The following HSPA13 variants were observed in gnomAD, a reference collection of about 807,000 sequenced individuals.
The protein encoded by HSPA13 is heat shock 70 kDa protein 13.
HSPA13 carries 29 observed loss-of-function variants against 38.8 expected under a neutral mutation model. The ratio of observed to expected loss-of-function variants is 0.75; its 90% CI spans 0.56 to 1.02. The LOEUF (loss-of-function observed/expected upper bound fraction) is 1.02. HSPA13 is among the 50% of genes least tolerant of loss of function. HSPA13 has a pLI of 0.00. For synonymous variants in HSPA13, 192 were observed against 205.3 expected, an observed-to-expected ratio of 0.94 and a Z score of 0.56; for missense variants, 451 against 560.9, an observed-to-expected ratio of 0.80 and a Z score of 1.98.
intron 4 of HSPA13, among the ~76,000 whole-genome samples, 169 bp downstream of exon 4, chr21:14,375,483 T>C (rs1004219558): frequency 6.9e-6 from 1 of 144,318 alleles, no homozygotes; most frequent in Non-Finnish European, 1.5e-5. Flanking sequence ...TCCCTGCATT[T>C]TTCTGTAATT....
Position 14,383,114 on chromosome 21 carries a change from G to A in HSPA13, c.6C>T (p.Ala2=), listed in dbSNP as rs754333903. The A allele has an allele frequency of 8.7e-6, 14 of 1,613,888 alleles. No homozygotes were observed. Among genetic ancestry groups the A allele is most frequent in the Middle Eastern group, 3.3e-4 (2 of 6,084 alleles). ...ACCCACCTAAGATCGTCATCTCTCTGGCCATCACAGTCCCGCCGAACAGGC... is the reference window on the plus strand; with the variant it reads ...ACCCACCTAAGATCGTCATCTCTCTAGCCATCACAGTCCCGCCGAACAGGC... M[A]REMTILGSAV... The change falls in exon 1 of 5, where the codon GCC becomes GCT. Residue 2 remains alanine (A), a synonymous_variant. Transcript: ENST00000285667.
chr21:14,376,743 C>G (rs1161993008), intron 3 of HSPA13, among the ~76,000 whole-genome samples: 1 of 152,236 alleles, frequency 6.6e-6, no homozygotes, highest in African/African-American at 2.4e-5. Context: ...ATGGCTGTTG[C>G]AGTGGCCATC....
rs1285052904 is a variant in HSPA13 at position 14,371,303 on chromosome 21, A to C, written c.*2314T>G. The C allele has an allele frequency of 6.6e-6, 1 of 152,630 alleles. No individual in the cohort carries two copies. The highest frequency in any genetic ancestry group is 1.5e-5 in the Non-Finnish European group (1 of 68,016). The allele number at this position is 152,630 out of a possible 1,614,324, so 9.5% of individuals were successfully genotyped here. On this transcript the variant is annotated 3_prime_UTR_variant, in exon 5 of 5. Transcript: ENST00000285667. ...AGTACCAAAACATTCCTGATACAAA[A>C]TAAGTTACTCATTCACATATTCTAA...
chr21:14,381,184 T>C lies in HSPA13; in HGVS notation c.366+19A>G. 6.5e-7 allele frequency: 1 copy of C among 1,539,550 alleles called. No individual in the cohort carries two copies. The highest frequency in any genetic ancestry group is 8.8e-7 in the Non-Finnish European group (1 of 1,132,856). On this transcript the variant is annotated intron_variant, in intron 2 of 4. Coordinates refer to ENST00000285667, the MANE Select transcript of HSPA13 (RefSeq NM_006948.5). The stretch of plus-strand genomic sequence containing the variant: ...AAGAGTACACTAAAATTAATATAGA[T>C]TTTAGATTAATCACTTACCTTAAAT...
chr21:14,382,030 A>G (rs546443092), intron 1 of HSPA13, among the ~76,000 whole-genome samples: 1 of 152,330 alleles, frequency 6.6e-6, no homozygotes, highest in East Asian at 1.9e-4. Flanking sequence ...CTCTCCTCGT[A>G]TCTCACCTCC....
At chr21:14,381,965 C>G (rs779849698) in intron 1 of HSPA13, among the ~76,000 whole-genome samples, 3 of 151,980 alleles carry the variant, frequency 2.0e-5, no homozygotes, top group South Asian at 2.1e-4. Flanking sequence ...TTTTTAAAAG[C>G]TCCATTATTA....
chr21:14,375,753 GCCTT>G lies in HSPA13; in HGVS notation c.643_646del (p.Lys215LeufsTer8). 1 of 1,614,086 alleles carries G rather than the reference GCCTT, an allele frequency of 6.2e-7. No individual in the cohort carries two copies. The highest frequency in any genetic ancestry group is 8.5e-7 in the Non-Finnish European group (1 of 1,179,942). On this transcript the variant is annotated frameshift_variant, in exon 4 of 5. Transcript: ENST00000285667. LOFTEE classifies it high-confidence loss of function. ...TATCACCAAGACGTGGAAGACGTCA[GCCTT>G]GTGGAGACCATAGGCCATAGCTGCT...
At chr21:14,381,991 A>G (rs1984182438) in intron 1 of HSPA13, among the ~76,000 whole-genome samples, 1 of 152,240 alleles carries the variant, frequency 6.6e-6, no homozygotes, top group Admixed American at 6.5e-5. Context: ...CTCACAAGAA[A>G]AACTTTATTA....
intron 2 of HSPA13, among the ~76,000 whole-genome samples, chr21:14,379,897 T>C (rs980349850): frequency 1.3e-5 from 2 of 151,882 alleles, no homozygotes; most frequent in African/African-American, 4.8e-5. Flanking sequence ...ACGCCTGTAA[T>C]GCCAGCTTGG....
Position 14,374,402 on chromosome 21 carries a change from T to A in HSPA13, c.749-118A>T, listed in dbSNP as rs556958448. On this transcript the variant is annotated intron_variant, in intron 4 of 4. Coordinates refer to ENST00000285667, the MANE Select transcript of HSPA13 (RefSeq NM_006948.5). ...GAATAACAAATCCCTGTTTCATGTA[T>A]CATTACAATTTTATTCATACAGAGA... 3 of 742,766 alleles carry A rather than the reference T, an allele frequency of 4.0e-6. No individual in the cohort carries two copies. In the Admixed American group the frequency reaches 8.6e-5, roughly 21 times the overall value. 46.0% of individuals were successfully genotyped at this position (742,766 alleles called of 1,614,324 possible). A position where few individuals can be genotyped will look rare whatever the true frequency, so the allele number is the denominator to read the frequency against.
chr21:14,379,677 A>C (rs2012566694), intron 2 of HSPA13, among the ~76,000 whole-genome samples: 1 of 152,226 alleles, frequency 6.6e-6, no homozygotes, highest in Non-Finnish European at 1.5e-5. Flanking sequence ...CCAAAAAAGA[A>C]GTCAAAAAAC....
At chr21:14,380,213 AAACAT>A (rs929996651) in intron 2 of HSPA13, among the ~76,000 whole-genome samples, 3 of 152,006 alleles carry the variant, frequency 2.0e-5, no homozygotes, top group Non-Finnish European at 4.4e-5. Flanking sequence ...AGGCTACAGT[AAACAT>A]GATAAGAGTC....
intron 4 of HSPA13, among the ~76,000 whole-genome samples, 163 bp downstream of exon 4, chr21:14,375,489 T>A (rs1015564138): frequency 3.8e-5 from 5 of 132,326 alleles, no homozygotes; most frequent in Non-Finnish European, 8.1e-5. Flanking sequence ...CATTTTTCTG[T>A]AATTTTTTTT....
At chr21:14,374,758 A>G (rs1299398591) in intron 4 of HSPA13, among the ~76,000 whole-genome samples, 2 of 152,208 alleles carry the variant, frequency 1.3e-5, no homozygotes, top group East Asian at 3.8e-4. Context: ...GCTTATAAGT[A>G]GCTATTTAAA....
intron 3 of HSPA13, among the ~76,000 whole-genome samples, chr21:14,376,281 C>A (rs200189020): frequency 1.3e-5 from 2 of 152,084 alleles, no homozygotes; most frequent in African/African-American, 4.8e-5. Context: ...GGCGTGGTGG[C>A]GGGCGCCCGT....
intron 1 of HSPA13, 94 bp downstream of exon 1, chr21:14,383,001 A>T: frequency 7.2e-7 from 1 of 1,391,522 alleles, no homozygotes; most frequent in South Asian, 1.2e-5. Context: ...TGCTCCAGCT[A>T]GATCCAGGAG....
intron 1 of HSPA13, 117 bp downstream of exon 1, chr21:14,382,978 A>T (rs1299858911): frequency 3.2e-6 from 4 of 1,235,568 alleles, no homozygotes; most frequent in Non-Finnish European, 4.8e-6. Context: ...CACCTTTCTG[A>T]CTCCCCTTCC....
chr21:14,373,176 G>A lies in HSPA13; in HGVS notation c.*441C>T, dbSNP rs976416210. ...CACTGTAAATACCTGACATCAACAC[G>A]GTCCTTCAAGTATAGTTCAAATTAT... On this transcript the variant is annotated 3_prime_UTR_variant, in exon 5 of 5. Transcript: ENST00000285667. The A allele has an allele frequency of 1.3e-5, 2 of 157,858 alleles. No individual in the cohort carries two copies. The highest frequency in any genetic ancestry group is 6.0e-5 in the Admixed American group (1 of 16,572). The allele number at this position is 157,858 out of a possible 1,614,324, so 9.8% of individuals were successfully genotyped here.
chr21:14,375,879 C>T lies in HSPA13; in HGVS notation c.581-60G>A, dbSNP rs1984008349. On this transcript the variant is annotated intron_variant, in intron 3 of 4. Coordinates refer to ENST00000285667, the MANE Select transcript of HSPA13 (RefSeq NM_006948.5). The stretch of plus-strand genomic sequence containing the variant: ...GAGGATGCGATCAAGTAATCTCTTC[C>T]CACTTACAGCATGTTTGTGTCTTCT... 14 of 1,330,680 alleles carry T rather than the reference C, an allele frequency of 1.1e-5. No homozygotes were observed. The South Asian group carries it at 1.7e-4, about 17-fold the overall frequency. 82.4% of individuals were successfully genotyped at this position (1,330,680 alleles called of 1,614,324 possible).
Sources: gnomAD v4.1 joint callset for allele counts (sites outside exome capture counted in the v4.1 genomes callset) on GRCh38, gnomAD v4.1.1 for gene constraint, MANE v1.5 for transcripts, NCBI Gene and HGNC (gene_info 2026-07-23, HGNC 2026-07-21) for gene names.